The following PARD3 variants were observed in gnomAD, a reference collection of about 807,000 sequenced individuals.
The protein encoded by PARD3 is par-3 family cell polarity regulator.
A neutral mutation model predicts 155.4 loss-of-function variants in PARD3; 75 were observed. The ratio of observed to expected loss-of-function variants is 0.48; its 90% confidence interval spans 0.40 to 0.58. The LOEUF (loss-of-function observed/expected upper bound fraction) is 0.58, where lower values mean the gene tolerates loss of function less well. Among genes scored for constraint, PARD3 ranks in the 20% least tolerant of loss-of-function variants. PARD3 has a pLI of 0.00. For synonymous variants in PARD3, 576 were observed against 610.5 expected (o/e 0.94, Z 0.83); for missense variants, 1,642 against 1,721.7 (o/e 0.95, Z 0.82).
At chr10:34,426,643 C>T (rs1229595906) in intron 5 of PARD3, 1 of 152,046 alleles carries the variant, frequency 6.6e-6, no homozygotes, top group Non-Finnish European at 1.5e-5. Flanking sequence ...TATCTAGTGG[C>T]AAATATTTGT....
chr10:34,550,608 A>G (rs536836365), intron 2 of PARD3, among the ~76,000 whole-genome samples: 18 of 152,350 alleles, frequency 1.2e-4, no homozygotes, highest in Admixed American at 9.2e-4. Context: ...AAAATTTTCA[A>G]GGAAATCATT....
At chr10:34,303,371 T>C (rs141465342) in intron 20 of PARD3, among the ~76,000 whole-genome samples, 1,578 of 151,700 alleles carry the variant, frequency 0.01, 22 homozygotes, top group East Asian at 0.057. Flanking sequence ...TCAAAATTGT[T>C]CCAGAATCAA....
intron 3 of PARD3, among the ~76,000 whole-genome samples, chr10:34,476,471 T>C (rs143656282): frequency 5.9e-4 from 90 of 152,248 alleles, no homozygotes; most frequent in African/African-American, 1.8e-3. Flanking sequence ...ACTGCACTTA[T>C]GGCCTTCCTG....
intron 3 of PARD3, among the ~76,000 whole-genome samples, chr10:34,502,907 A>G (rs908908524): frequency 2.6e-5 from 4 of 152,188 alleles, no homozygotes; most frequent in South Asian, 2.1e-4. Flanking sequence ...AGGCCCATGC[A>G]TATCTCTGCC....
intron 1 of PARD3, among the ~76,000 whole-genome samples, chr10:34,745,930 C>A (rs900019016): frequency 3.9e-5 from 6 of 152,074 alleles, no homozygotes; most frequent in Non-Finnish European, 8.8e-5. Context: ...GAAACCCCGC[C>A]TCTACTAAAA....
At chr10:34,208,041 T>C (rs1198673431) in intron 22 of PARD3, among the ~76,000 whole-genome samples, 1 of 152,258 alleles carries the variant, frequency 6.6e-6, no homozygotes, top group East Asian at 1.9e-4. Flanking sequence ...GCTTGAATAC[T>C]GTCTGTGGTG....
At chr10:34,332,621 C>G (rs1462768253) in intron 18 of PARD3, among the ~76,000 whole-genome samples, 1 of 152,066 alleles carries the variant, frequency 6.6e-6, no homozygotes, top group Non-Finnish European at 1.5e-5. Context: ...TTAAATGAAG[C>G]TATTTTGGGT....
intron 1 of PARD3, among the ~76,000 whole-genome samples, chr10:34,709,907 T>G (rs1310727531): frequency 6.6e-6 from 1 of 152,048 alleles, no homozygotes; most frequent in East Asian, 1.9e-4. Context: ...CAAATTAATT[T>G]TAAACAAATT....
At chr10:34,435,124 ATACT>A (rs1172051519) in intron 5 of PARD3, among the ~76,000 whole-genome samples, 8 of 152,224 alleles carry the variant, frequency 5.3e-5, no homozygotes, top group African/African-American at 1.4e-4. Flanking sequence ...TATTAATTTA[ATACT>A]TATTTATCCT....
At chr10:34,252,514 A>G (rs554059512) in intron 22 of PARD3, among the ~76,000 whole-genome samples, 11 of 152,078 alleles carry the variant, frequency 7.2e-5, no homozygotes, top group Non-Finnish European at 1.5e-4. Context: ...GTTAATGGAA[A>G]AGGGTGCTTC....
chr10:34,390,172 C>A (rs1371130651), intron 7 of PARD3, among the ~76,000 whole-genome samples: 1 of 152,088 alleles, frequency 6.6e-6, no homozygotes, highest in East Asian at 1.9e-4. Flanking sequence ...TTATTCTCAG[C>A]TAGTTTGTGA....
chr10:34,639,254 G>C (rs2092586976), intron 2 of PARD3, among the ~76,000 whole-genome samples: 1 of 152,036 alleles, frequency 6.6e-6, no homozygotes, highest in African/African-American at 2.4e-5. Context: ...AAATTAGCCA[G>C]GCATGGTGGC....
intron 1 of PARD3, among the ~76,000 whole-genome samples, chr10:34,795,637 G>A (rs1379050453): frequency 2.7e-5 from 4 of 150,526 alleles, no homozygotes; most frequent in African/African-American, 9.8e-5. Flanking sequence ...GGTGGCTCAC[G>A]CCTGCAATCC....
intron 1 of PARD3, among the ~76,000 whole-genome samples, chr10:34,800,808 A>T (rs1842777856): frequency 6.6e-6 from 1 of 152,106 alleles, no homozygotes; most frequent in Non-Finnish European, 1.5e-5. Flanking sequence ...AATGCCCCTG[A>T]TAAAAGCACC....
intron 2 of PARD3, among the ~76,000 whole-genome samples, chr10:34,633,529 T>A (rs1052703812): frequency 6.6e-6 from 1 of 152,254 alleles, no homozygotes; most frequent in African/African-American, 2.4e-5. Flanking sequence ...AAGTTCTTCC[T>A]GTTTTATGAC....
At chr10:34,684,231 G>A (rs1363093777) in intron 2 of PARD3, among the ~76,000 whole-genome samples, 3 of 152,172 alleles carry the variant, frequency 2.0e-5, no homozygotes, top group Non-Finnish European at 4.4e-5. Flanking sequence ...AAACAAAACA[G>A]TGAACCACAC....
chr10:34,489,402 G>T (rs148830765), intron 3 of PARD3, among the ~76,000 whole-genome samples: 1 of 152,184 alleles, frequency 6.6e-6, no homozygotes, highest in Non-Finnish European at 1.5e-5. Flanking sequence ...GATGCTGCCG[G>T]AAGTTGAAAA....
At chr10:34,661,524 G>A (rs2093325847) in intron 2 of PARD3, among the ~76,000 whole-genome samples, 1 of 152,104 alleles carries the variant, frequency 6.6e-6, no homozygotes, top group Non-Finnish European at 1.5e-5. Context: ...CCTGGGAGGG[G>A]AAAAACGGGC....
chr10:34,675,286 C>G (rs1382124226), intron 2 of PARD3, among the ~76,000 whole-genome samples: 1 of 152,276 alleles, frequency 6.6e-6, no homozygotes, highest in East Asian at 1.9e-4. Context: ...TTCTGATGGA[C>G]TTCTACATCT....
Sources: allele counts gnomAD v4.1 joint callset (sites outside exome capture counted in the v4.1 genomes callset), GRCh38; gene constraint gnomAD v4.1.1; transcripts MANE v1.5; gene names NCBI Gene and HGNC (gene_info 2026-07-23, HGNC 2026-07-21).